Variants in PAAF1 observed in about 807,000 individuals in gnomAD.
PAAF1 encodes the protein proteasomal ATPase associated factor 1, also known as proteasomal ATPase-associated factor 1.
Under a neutral mutation model 52.8 loss-of-function variants are expected in PAAF1, and 46 were observed. The ratio of observed to expected loss-of-function variants is 0.87; its 90% CI spans 0.69 to 1.11. The LOEUF (loss-of-function observed/expected upper bound fraction) is 1.11. Among genes scored for constraint, PAAF1 ranks in the 50% most tolerant of loss-of-function variants. The probability of loss-of-function intolerance (pLI) is 0.00; values close to 1 mark genes in which losing one functional copy is unlikely to be tolerated. For missense variants in PAAF1, 424 were observed against 477.4 expected, an observed-to-expected ratio of 0.89 and a Z score of 1.04; for synonymous variants, 178 against 172.8, an observed-to-expected ratio of 1.03 and a Z score of -0.24.
At chr11:73,920,050 C>T (rs190324995) in intron 10 of PAAF1, among the ~76,000 whole-genome samples, 1 of 151,082 alleles carries the variant, frequency 6.6e-6, no homozygotes, top group Non-Finnish European at 1.5e-5. Flanking sequence ...AAAAAAAAAG[C>T]ATGCTGTTTA....
intron 8 of PAAF1, among the ~76,000 whole-genome samples, 193 bp downstream of exon 8, chr11:73,914,697 CTTTTTT>C (rs371949979): frequency 7.9e-6 from 1 of 126,992 alleles, no homozygotes; most frequent in East Asian, 2.2e-4. Flanking sequence ...AATCCCAGTT[CTTTTTT>C]TTTTTTTTTT....
chr11:73,877,066 C>CA lies in PAAF1; in HGVS notation c.46dup (p.Arg16LysfsTer4). ...TTCAGAGCGACTGGGCGCAAGCCCTCAGGTGAATCCAGGCCCAGAACAGAG... is the reference window on the plus strand; with the variant it reads ...TTCAGAGCGACTGGGCGCAAGCCCTCAAGGTGAATCCAGGCCCAGAACAGAG... On this transcript the variant is annotated frameshift_variant and splice_region_variant, in exon 1 of 12. Transcript: ENST00000310571. LOFTEE classifies it high-confidence loss of function. 1 of 1,536,584 alleles carries CA rather than the reference C, an allele frequency of 6.5e-7. No homozygotes were observed. The highest frequency in any genetic ancestry group is 2.5e-5 in the East Asian group (1 of 39,722).
At chr11:73,924,533 C>A in intron 10 of PAAF1, 82 bp from the exon 11 acceptor site, 1 of 1,169,190 alleles carries the variant, frequency 8.6e-7, no homozygotes, top group Non-Finnish European at 1.3e-6. Flanking sequence ...TAGTGATCTA[C>A]AGAAGCAAAT....
At chr11:73,924,315 G>A (rs926294464) in intron 10 of PAAF1, among the ~76,000 whole-genome samples, 22 of 151,982 alleles carry the variant, frequency 1.4e-4, no homozygotes, top group Non-Finnish European at 2.6e-4. Flanking sequence ...GCGTGGTGGT[G>A]GGCACCTGTA....
chr11:73,897,736 G>A (rs1949452486), intron 4 of PAAF1, among the ~76,000 whole-genome samples: 1 of 151,670 alleles, frequency 6.6e-6, no homozygotes, highest in African/African-American at 2.4e-5. Flanking sequence ...CATCCCAGAA[G>A]ATGGGCGGCC....
rs532218204 is a variant in PAAF1 at position 73,891,433 on chromosome 11, T to C, written c.282+232T>C. Among the ~76,000 whole-genome samples, 13 of 152,324 alleles carry C rather than the reference T, an allele frequency of 8.5e-5. No homozygotes were observed. In the South Asian group the frequency reaches 2.7e-3, roughly 32 times the overall value. On this transcript the variant is annotated intron_variant, in intron 4 of 11. Coordinates refer to ENST00000310571, the MANE Select transcript of PAAF1 (RefSeq NM_025155.3). Reference sequence around the variant, plus strand: ...GTCATCTTAGAGATTATATGAAATTTCCTTACATATGTTTTAGGAGAGTTA... The same window carrying C: ...GTCATCTTAGAGATTATATGAAATTCCCTTACATATGTTTTAGGAGAGTTA...
chr11:73,909,696 T>C, intron 7 of PAAF1, 103 bp downstream of exon 7: 3 of 1,019,088 alleles, frequency 2.9e-6, no homozygotes, highest in Admixed American at 2.4e-5. Context: ...GCTCTGTGCC[T>C]GGTATTTCTG....
intron 11 of PAAF1, among the ~76,000 whole-genome samples, chr11:73,925,262 G>A (rs1213953109): frequency 6.7e-6 from 1 of 150,230 alleles, no homozygotes; most frequent in African/African-American, 2.5e-5. Flanking sequence ...TTTGAAACCA[G>A]CCTAGGCAAT....
intron 4 of PAAF1, among the ~76,000 whole-genome samples, chr11:73,897,604 G>C (rs1591072677): frequency 6.7e-6 from 1 of 150,358 alleles, no homozygotes. Context: ...GGGAAGAGGC[G>C]CTCCTCACTT....
At chr11:73,876,997 G>T (rs201724282), upstream of PAAF1, 2 of 1,523,374 alleles carry the variant, frequency 1.3e-6, no homozygotes, top group African/African-American at 1.4e-5. Flanking sequence ...GGCGGAAGAG[G>T]TGGGCTGGTG....
chr11:73,898,250 AGGAGAG>A (rs1213173938), intron 4 of PAAF1, among the ~76,000 whole-genome samples: 4 of 123,042 alleles, frequency 3.3e-5, no homozygotes, highest in East Asian at 2.4e-4. Context: ...GAGAGGGAGA[AGGAGAG>A]GGAGAGGGAG....
chr11:73,876,801 C>G (rs1225914324), upstream of PAAF1: 2 of 413,716 alleles, frequency 4.8e-6, no homozygotes, highest in Non-Finnish European at 8.5e-6. Flanking sequence ...TCCTACGCGG[C>G]GGCTTGGGTT....
chr11:73,895,493 A>G (rs1264001908), intron 4 of PAAF1, among the ~76,000 whole-genome samples: 3 of 152,248 alleles, frequency 2.0e-5, no homozygotes, highest in Non-Finnish European at 4.4e-5. Context: ...AAAATGAAGA[A>G]GAAAAGTCTT....
intron 6 of PAAF1, among the ~76,000 whole-genome samples, chr11:73,908,397 ATGTGTATATATATG>A (rs1456903858): frequency 1.4e-5 from 2 of 142,264 alleles, no homozygotes; most frequent in African/African-American, 2.7e-5. Flanking sequence ...GTATATATAT[ATGTGTATATATATG>A]TGTGTATATA....
At chr11:73,908,373 G>A (rs1428144087) in intron 6 of PAAF1, among the ~76,000 whole-genome samples, 4 of 134,986 alleles carry the variant, frequency 3.0e-5, no homozygotes, top group South Asian at 4.9e-4. Flanking sequence ...ATATATATAT[G>A]TATATATATG....
chr11:73,904,414 A>G (rs1949703550), intron 6 of PAAF1, among the ~76,000 whole-genome samples: 1 of 152,228 alleles, frequency 6.6e-6, no homozygotes, highest in African/African-American at 2.4e-5. Context: ...TTTCATAATC[A>G]GTGAAACATT....
At chr11:73,876,914 A>G, upstream of PAAF1, 1 of 1,137,548 alleles carries the variant, frequency 8.8e-7, no homozygotes, top group Non-Finnish European at 1.2e-6. Flanking sequence ...TCACGTTTTC[A>G]TTGGTGGCCT....
intron 9 of PAAF1, 142 bp from the exon 10 acceptor site, chr11:73,918,808 C>T: frequency 3.0e-6 from 2 of 662,522 alleles, no homozygotes; most frequent in South Asian, 1.9e-5. Context: ...AGGTTCTTGC[C>T]AGGAAAGAAA....
At position 73,900,981 on chromosome 11, in the gene PAAF1, C is replaced by CAAAA. The variant is rs5792636; in HGVS notation, c.532+591_532+594dup. On this transcript the variant is annotated intron_variant, in intron 6 of 11. Coordinates refer to ENST00000310571, the MANE Select transcript of PAAF1 (RefSeq NM_025155.3). The stretch of plus-strand genomic sequence containing the variant: ...TGGGCGACAGAGCGAGACTCCGTCT[C>CAAAA]AAAAAAAAAAAAAAAAAAAAAAAAA... Among the ~76,000 whole-genome samples, 56 of 59,552 alleles carry CAAAA rather than the reference C, an allele frequency of 9.4e-4. 1 individual carries two copies. Among genetic ancestry groups the CAAAA allele is most frequent in the African/African-American group, 1.4e-3 (23 of 16,812 alleles). The allele number at this position is 59,552 out of a possible 152,430, so 39.1% of individuals were successfully genotyped here.
Sources: allele counts gnomAD v4.1 joint callset (sites outside exome capture counted in the v4.1 genomes callset), GRCh38; gene constraint gnomAD v4.1.1; transcripts MANE v1.5; gene names NCBI Gene and HGNC (gene_info 2026-07-23, HGNC 2026-07-21).